Variants in PITPNC1 observed in about 807,000 individuals in gnomAD.
PITPNC1 encodes the protein cytoplasmic phosphatidylinositol transfer protein 1.
Under a neutral mutation model 44.7 loss-of-function variants are expected in PITPNC1, and 18 were observed. That is an observed-to-expected ratio of 0.40 (90% CI 0.28 to 0.60). PITPNC1 has a LOEUF of 0.60. Ranked by LOEUF, PITPNC1 falls within the 20% of genes least tolerant of loss-of-function variation. The probability of loss-of-function intolerance (pLI) is 0.39; values close to 1 mark genes in which losing one functional copy is unlikely to be tolerated. For synonymous variants in PITPNC1, 141 were observed against 149.6 expected (o/e 0.94, Z 0.42); for missense variants, 290 against 418.4 (o/e 0.69, Z 2.68).
At chr17:67,557,973 C>T (rs889735433) in intron 4 of PITPNC1, among the ~76,000 whole-genome samples, 15 of 152,162 alleles carry the variant, frequency 9.9e-5, no homozygotes, top group African/African-American at 3.4e-4. Flanking sequence ...AGAGGCAGCC[C>T]GGAGGGCTCA....
At chr17:67,558,378 G>C (rs1179843362) in intron 4 of PITPNC1, among the ~76,000 whole-genome samples, 1 of 152,000 alleles carries the variant, frequency 6.6e-6, no homozygotes, top group Non-Finnish European at 1.5e-5. Flanking sequence ...AAACTGGTGG[G>C]TTCTTCTGAA....
In PITPNC1 at chr17:67,425,206, CACACACACACACA is replaced by C. The variant is rs1567984776; in HGVS notation, c.48+47005_48+47017del. ...TGTTGTGCGCGCGCACGCACACGCA[CACACACACACACA>C]CACACACACACACACACACACACAC... is the stretch of plus-strand genomic sequence containing the variant. On this transcript the variant is annotated intron_variant, in intron 1 of 8. Transcript: ENST00000581322. Among the ~76,000 whole-genome samples the C allele has an allele frequency of 6.7e-4, 17 of 25,478 alleles. 1 individual carries two copies. The highest frequency in any genetic ancestry group is 5.0e-3 in the African/African-American group (16 of 3,186). 16.7% of individuals were successfully genotyped at this position (25,478 alleles called of 152,430 possible).
intron 2 of PITPNC1, among the ~76,000 whole-genome samples, chr17:67,540,538 T>C (rs2144142960): frequency 6.6e-6 from 1 of 152,300 alleles, no homozygotes; most frequent in Middle Eastern, 3.4e-3. Context: ...AAAAATAAAA[T>C]CGAAAATATA....
chr17:67,599,015 T>C (rs1212354302), intron 5 of PITPNC1, among the ~76,000 whole-genome samples: 370 of 36,368 alleles, frequency 0.01, 25 homozygotes, highest in Non-Finnish European at 0.016. Context: ...TATATATATA[T>C]ATATATATAT....
At chr17:67,575,234 A>T (rs896935174) in intron 4 of PITPNC1, among the ~76,000 whole-genome samples, 1 of 129,786 alleles carries the variant, frequency 7.7e-6, no homozygotes, top group African/African-American at 2.8e-5. Flanking sequence ...CAGCCAGGGC[A>T]TCCCCCCACG....
In PITPNC1 at chr17:67,693,079, T is replaced by C. The variant is rs1404469331; in HGVS notation, c.*191T>C. 1.8e-6 allele frequency: 1 copy of C among 557,250 alleles called. No homozygotes were observed. Among genetic ancestry groups the C allele is most frequent in the Non-Finnish European group, 3.2e-6 (1 of 316,968 alleles). 34.5% of individuals were successfully genotyped at this position (557,250 alleles called of 1,614,324 possible). On this transcript the variant is annotated 3_prime_UTR_variant, in exon 9 of 9. Coordinates refer to ENST00000581322, the MANE Select transcript of PITPNC1 (RefSeq NM_012417.4). ...GTATGCTACACAGCATCATATTAGA[T>C]GTAAGATGTAAGACTTGCAAAGGAC...
intron 1 of PITPNC1, among the ~76,000 whole-genome samples, chr17:67,478,818 C>T (rs1303379540): frequency 6.6e-6 from 1 of 151,902 alleles, no homozygotes; most frequent in Non-Finnish European, 1.5e-5. Context: ...AAGACTTGGC[C>T]AATGCTCACT....
chr17:67,572,672 G>C (rs969396001), intron 4 of PITPNC1, among the ~76,000 whole-genome samples: 1 of 151,554 alleles, frequency 6.6e-6, no homozygotes, highest in African/African-American at 2.4e-5. Context: ...GCATGCATGG[G>C]ATAATCATTC....
chr17:67,418,492 CTG>C (rs904326736), intron 1 of PITPNC1, among the ~76,000 whole-genome samples: 21 of 152,056 alleles, frequency 1.4e-4, no homozygotes, highest in African/African-American at 4.4e-4. Flanking sequence ...TTCTGTGAAA[CTG>C]TGTTGTTGCG....
intron 4 of PITPNC1, among the ~76,000 whole-genome samples, chr17:67,566,461 C>T (rs974925615): frequency 3.3e-5 from 5 of 152,178 alleles, no homozygotes; most frequent in Admixed American, 1.3e-4. Flanking sequence ...GTGTCAGCCT[C>T]CCAAAGTGCT....
At chr17:67,663,208 G>A (rs896511127) in intron 6 of PITPNC1, among the ~76,000 whole-genome samples, 8 of 152,288 alleles carry the variant, frequency 5.3e-5, no homozygotes, top group African/African-American at 1.9e-4. Context: ...CCCTAAATGG[G>A]TGCTTAGCCC....
intron 1 of PITPNC1, among the ~76,000 whole-genome samples, chr17:67,403,379 G>A (rs776892294): frequency 6.6e-5 from 10 of 152,134 alleles, no homozygotes; most frequent in African/African-American, 1.7e-4. Flanking sequence ...TAAGGTTCTC[G>A]TTAGATATTT....
intron 7 of PITPNC1, among the ~76,000 whole-genome samples, chr17:67,673,170 T>C (rs1038361313): frequency 1.3e-5 from 2 of 152,208 alleles, no homozygotes; most frequent in Admixed American, 1.3e-4. Context: ...AACACTTCAT[T>C]ATAAATGCTT....
rs979792051 is a variant in PITPNC1 at position 67,667,638 on chromosome 17, C to T, written c.463-1870C>T. Reference sequence around the variant, plus strand: ...TAATCAGCAAATGATTGGCTAATGGCAATCATTAGACAAATATTGGATGAT... The same window carrying T: ...TAATCAGCAAATGATTGGCTAATGGTAATCATTAGACAAATATTGGATGAT... On this transcript the variant is annotated intron_variant, in intron 6 of 8. Coordinates refer to ENST00000581322, the MANE Select transcript of PITPNC1 (RefSeq NM_012417.4). 4.0e-5 allele frequency among the ~76,000 whole-genome samples: 6 copies of T among 149,412 alleles called. No homozygotes were observed. The South Asian group carries it at 8.5e-4, about 21-fold the overall frequency.
At chr17:67,685,268 C>G (rs2042791382) in intron 8 of PITPNC1, among the ~76,000 whole-genome samples, 1 of 152,252 alleles carries the variant, frequency 6.6e-6, no homozygotes, top group Non-Finnish European at 1.5e-5. Flanking sequence ...CTTGGCCAAG[C>G]TGCTGCTTAG....
chr17:67,686,078 G>A (rs185677199), intron 8 of PITPNC1, among the ~76,000 whole-genome samples: 20 of 151,848 alleles, frequency 1.3e-4, no homozygotes, highest in Non-Finnish European at 1.8e-4. Flanking sequence ...TGATCCACCC[G>A]CCTTGGCCTC....
At chr17:67,387,878 C>G (rs1035310013) in intron 1 of PITPNC1, among the ~76,000 whole-genome samples, 6 of 152,010 alleles carry the variant, frequency 3.9e-5, no homozygotes, top group Non-Finnish European at 5.9e-5. Flanking sequence ...TTATTTTTTT[C>G]ACACTAAGTC....
intron 1 of PITPNC1, among the ~76,000 whole-genome samples, chr17:67,506,946 A>T (rs1052875454): frequency 9.9e-5 from 15 of 152,204 alleles, no homozygotes; most frequent in Non-Finnish European, 1.5e-4. Context: ...TTGTTTTTTT[A>T]AAAAAGTTTC....
intron 1 of PITPNC1, among the ~76,000 whole-genome samples, chr17:67,514,230 C>T (rs1440068111): frequency 6.6e-6 from 1 of 151,908 alleles, no homozygotes; most frequent in East Asian, 1.9e-4. Flanking sequence ...GATGGAGTCT[C>T]GCTCTGTCTT....
Sources: allele counts gnomAD v4.1 joint callset (sites outside exome capture counted in the v4.1 genomes callset), GRCh38; gene constraint gnomAD v4.1.1; transcripts MANE v1.5; gene names NCBI Gene and HGNC (gene_info 2026-07-23, HGNC 2026-07-21).